LANCL1: variants seen among roughly 807,000 people sequenced by gnomAD.
LANCL1 encodes the protein glutathione S-transferase LANCL1.
LANCL1 carries 50 observed loss-of-function variants against 50.6 expected under a neutral mutation model. The observed-to-expected ratio is 0.99, with a 90% confidence interval of 0.79 to 1.25. The LOEUF is 1.25. Ranked by LOEUF, LANCL1 falls within the 50% of genes most tolerant of loss-of-function variation. LANCL1 has a pLI of 0.00. For missense variants in LANCL1, 532 were observed against 480.7 expected (o/e 1.11, Z -1.00); for synonymous variants, 188 against 178.6 (o/e 1.05, Z -0.42).
rs200854057 is a variant in LANCL1 at position 210,471,940 on chromosome 2, C to T, written c.199+19G>A. ...CTTAAGCACAATGCTTATGCCAGCT[C>T]ACAGTCAGCACTTCATACCTGCCCA... On this transcript the variant is annotated intron_variant, in intron 3 of 9. Coordinates refer to ENST00000450366, the MANE Select transcript of LANCL1 (RefSeq NM_006055.3). The T allele has an allele frequency of 1.3e-4, 195 of 1,531,984 alleles. No individual in the cohort carries two copies. Among genetic ancestry groups the T allele is most frequent in the Non-Finnish European group, 1.7e-4 (190 of 1,105,118 alleles). 94.9% of individuals were successfully genotyped at this position (1,531,984 alleles called of 1,614,324 possible).
chr2:210,470,371 A>G lies in LANCL1; in HGVS notation c.199+1588T>C, dbSNP rs187144263. Among the ~76,000 whole-genome samples the G allele has an allele frequency of 1.5e-4, 23 of 152,290 alleles. No homozygotes were observed. The East Asian group carries it at 3.7e-3, about 24-fold the overall frequency. ...TTATTTTTACAAAACATTGACTTTA[A>G]AAGTCCCTGAGATTTTAATTTTACT... On this transcript the variant is annotated intron_variant, in intron 3 of 9. Coordinates refer to ENST00000450366, the MANE Select transcript of LANCL1 (RefSeq NM_006055.3).
intron 4 of LANCL1, among the ~76,000 whole-genome samples, chr2:210,448,009 T>C (rs557011237): frequency 7.9e-4 from 120 of 152,290 alleles, no homozygotes; most frequent in African/African-American, 2.8e-3. Context: ...GCAGACCTAA[T>C]AGACATCTAT....
chr2:210,437,694 T>C lies in LANCL1; in HGVS notation c.869A>G (p.Tyr290Cys). 6.3e-7 allele frequency: 1 copy of C among 1,581,482 alleles called. No homozygotes were observed. The highest frequency in any genetic ancestry group is 8.6e-7 in the Non-Finnish European group (1 of 1,167,090). ...PGVIYMLIQA[Y>C]KVFREEKYLC... The stretch of plus-strand genomic sequence containing the variant: ...TTTCAAAAATACACACAGTACCTTA[T>C]AGGCCTGGATGAGCATGTAGATTAC... Residue 290 changes from tyrosine (Y) to cysteine (C), a missense_variant, in exon 7 of 10, where the codon TAT becomes TGT. By Grantham distance (194) the Tyr-to-Cys change is radical. Coordinates refer to ENST00000450366, the MANE Select transcript of LANCL1 (RefSeq NM_006055.3).
intron 4 of LANCL1, among the ~76,000 whole-genome samples, chr2:210,454,695 A>T (rs1261361270): frequency 1.3e-5 from 2 of 152,176 alleles, no homozygotes; most frequent in African/African-American, 4.8e-5. Flanking sequence ...CCAAAATGAA[A>T]ATCAGGATGT....
At chr2:210,458,897 T>A (rs1693751251) in intron 3 of LANCL1, among the ~76,000 whole-genome samples, 1 of 152,198 alleles carries the variant, frequency 6.6e-6, no homozygotes, top group South Asian at 2.1e-4. Flanking sequence ...GTAGGCAGTT[T>A]CATCTTTTTA....
At chr2:210,458,482 T>G (rs1693734690) in intron 3 of LANCL1, among the ~76,000 whole-genome samples, 1 of 152,078 alleles carries the variant, frequency 6.6e-6, no homozygotes, top group Non-Finnish European at 1.5e-5. Flanking sequence ...TGCAAGGGAG[T>G]GTATGAAACA....
rs570978154 is a variant in LANCL1, at chr2:210,458,842, TCTAAC to T, written c.200-3533_200-3529del. On this transcript the variant is annotated intron_variant, in intron 3 of 9. Transcript: ENST00000450366. ...ATGAGAAAAAACATTTCTACTGACTTCTAACATAACAGCCAAAATTGTTCGAGTTT... is the reference window on the plus strand; with the variant it reads ...ATGAGAAAAAACATTTCTACTGACTTATAACAGCCAAAATTGTTCGAGTTT... Among the ~76,000 whole-genome samples the T allele has an allele frequency of 4.4e-4, 67 of 152,314 alleles. 1 individual carries two copies. The highest frequency in any genetic ancestry group is 1.5e-3 in the African/African-American group (63 of 41,570).
At chr2:210,461,046 G>A (rs553600075) in intron 3 of LANCL1, among the ~76,000 whole-genome samples, 35 of 152,242 alleles carry the variant, frequency 2.3e-4, no homozygotes, top group South Asian at 6.2e-4. Flanking sequence ...AAGTGTTGAC[G>A]TTACTGGAAT....
chr2:210,440,853 A>T, intron 5 of LANCL1, 109 bp from the exon 6 acceptor site: 1 of 912,684 alleles, frequency 1.1e-6, no homozygotes. Context: ...CAAATTAGAC[A>T]CCAGCTTATA....
intron 4 of LANCL1, among the ~76,000 whole-genome samples, chr2:210,441,663 A>T (rs185984127): frequency 1.6e-3 from 246 of 152,324 alleles, no homozygotes; most frequent in African/African-American, 5.4e-3. Context: ...ATGAAAGAAT[A>T]CAAATGTATG....
At chr2:210,437,949 A>T (rs1692992429) in intron 6 of LANCL1, 77 bp from the exon 7 acceptor site, 1 of 1,053,542 alleles carries the variant, frequency 9.5e-7, no homozygotes, top group Non-Finnish European at 1.3e-6. Context: ...TAAACCAGAA[A>T]AAAAGCATGG....
chr2:210,472,135 AT>A, intron 2 of LANCL1, 59 bp from the exon 3 acceptor site: 1 of 1,117,734 alleles, frequency 8.9e-7, no homozygotes, highest in Non-Finnish European at 1.4e-6. Flanking sequence ...TTGCTGGACT[AT>A]AAGCTATCAA....
chr2:210,469,918 A>G (rs532683102), intron 3 of LANCL1, among the ~76,000 whole-genome samples: 5 of 152,112 alleles, frequency 3.3e-5, no homozygotes, highest in African/African-American at 4.8e-5. Context: ...TGAATGGCCA[A>G]TTTAGAAGTT....
intron 4 of LANCL1, among the ~76,000 whole-genome samples, chr2:210,454,334 C>T (rs1293078788): frequency 1.3e-5 from 2 of 151,690 alleles, no homozygotes; most frequent in African/African-American, 2.4e-5. Flanking sequence ...GTCCAAAAAG[C>T]CTGTTGTTTA....
intron 3 of LANCL1, among the ~76,000 whole-genome samples, chr2:210,457,895 A>AT (rs1441467869): frequency 6.6e-6 from 1 of 152,146 alleles, no homozygotes; most frequent in African/African-American, 2.4e-5. Context: ...AATGCCCTGG[A>AT]TTTTAGCTGG....
rs566762890 is a variant in LANCL1, at chr2:210,464,859, G to C, written c.199+7100C>G. 6.8e-3 allele frequency among the ~76,000 whole-genome samples: 1,023 copies of C among 150,478 alleles called. 12 individuals carry two copies. Among genetic ancestry groups the C allele is most frequent in the Middle Eastern group, 0.01 (3 of 294 alleles). On this transcript the variant is annotated intron_variant, in intron 3 of 9. Transcript: ENST00000450366. Reference sequence around the variant, plus strand: ...CGGGCGCCTGTAGTCCCAGCTACTCGGGAGGCTGAGGCAGGAGAATGGCGT... The same window carrying C: ...CGGGCGCCTGTAGTCCCAGCTACTCCGGAGGCTGAGGCAGGAGAATGGCGT...
At chr2:210,474,439 G>A (rs1259115946) in intron 2 of LANCL1, among the ~76,000 whole-genome samples, 1 of 152,002 alleles carries the variant, frequency 6.6e-6, no homozygotes, top group Non-Finnish European at 1.5e-5. Flanking sequence ...AATTTGGCCC[G>A]ACATGGTGGC....
chr2:210,447,902 T>A (rs1006674161), intron 4 of LANCL1, among the ~76,000 whole-genome samples: 1 of 152,106 alleles, frequency 6.6e-6, no homozygotes, highest in African/African-American at 2.4e-5. Context: ...CACACAAAAA[T>A]AGTGGGAGAC....
intron 3 of LANCL1, among the ~76,000 whole-genome samples, chr2:210,465,030 AAG>A (rs1426864441): frequency 1.3e-5 from 2 of 152,130 alleles, no homozygotes; most frequent in African/African-American, 2.4e-5. Flanking sequence ...ACCTGCAGTC[AAG>A]AGAGATGTCA....
Sources: gnomAD v4.1 joint callset for allele counts (sites outside exome capture counted in the v4.1 genomes callset) on GRCh38, gnomAD v4.1.1 for gene constraint, MANE v1.5 for transcripts, NCBI Gene and HGNC (gene_info 2026-07-23, HGNC 2026-07-21) for gene names.